The following TP53BP1 variants were observed in gnomAD, a reference collection of about 807,000 sequenced individuals.
The protein encoded by TP53BP1 is tumor protein p53 binding protein 1.
In TP53BP1, 61 loss-of-function variants were observed where a neutral mutation model predicts 200.8. The ratio of observed to expected loss-of-function variants is 0.30; its 90% CI spans 0.25 to 0.38. The LOEUF is 0.38. Ranked by LOEUF, TP53BP1 falls within the 10% of genes least tolerant of loss-of-function variation. The pLI is 1.00. For missense variants in TP53BP1, 2,144 were observed against 2,371.9 expected (o/e 0.90, Z 2.00); for synonymous variants, 822 against 844.3 (o/e 0.97, Z 0.46).
At chr15:43,485,589 AG>A (rs1176891761) in intron 4 of TP53BP1, among the ~76,000 whole-genome samples, 1 of 148,820 alleles carries the variant, frequency 6.7e-6, no homozygotes, top group African/African-American at 2.5e-5. Context: ...AAAAAAAAAA[AG>A]AAAGTACTTT....
At chr15:43,477,203 G>A (rs1566958998) in intron 8 of TP53BP1, among the ~76,000 whole-genome samples, 1 of 151,942 alleles carries the variant, frequency 6.6e-6, no homozygotes, top group African/African-American at 2.4e-5. Context: ...GGGAGGCTGA[G>A]GCAGGAGAAT....
In TP53BP1 at chr15:43,455,091, A is replaced by C. The variant is rs771113001; in HGVS notation, c.2716+801T>G. ...GCTGAATTTCATAAAATAAAGAACA[A>C]GAACTAATACATTTTCCAGTTTCAG... On this transcript the variant is annotated intron_variant, in intron 12 of 27. Transcript: ENST00000382044. 2.0e-5 allele frequency among the ~76,000 whole-genome samples: 3 copies of C among 152,350 alleles called. No homozygotes were observed. The East Asian group carries it at 5.8e-4, about 29-fold the overall frequency.
At chr15:43,475,220 A>G (rs2078862766) in intron 9 of TP53BP1, among the ~76,000 whole-genome samples, 1 of 152,222 alleles carries the variant, frequency 6.6e-6, no homozygotes, top group Admixed American at 6.5e-5. Context: ...AAATCCAACT[A>G]CTGTCAACTT....
chr15:43,457,292 C>CG, intron 11 of TP53BP1, 74 bp from the exon 12 acceptor site: 2 of 1,282,774 alleles, frequency 1.6e-6, no homozygotes, highest in Non-Finnish European at 2.1e-6. Flanking sequence ...TCCTTGGATT[C>CG]ATATAAAATT....
At chr15:43,411,659 A>G (rs1052751261) in intron 24 of TP53BP1, among the ~76,000 whole-genome samples, 1 of 152,270 alleles carries the variant, frequency 6.6e-6, no homozygotes, top group Non-Finnish European at 1.5e-5. Flanking sequence ...GGATGAAGGC[A>G]CCAACATAAA....
Position 43,477,596 on chromosome 15 carries a change from T to C in TP53BP1, c.952A>G (p.Thr318Ala), listed in dbSNP as rs2078902822. Residue 318 changes from threonine to alanine, a missense_variant, in exon 8 of 28, where the codon ACA (threonine) becomes GCA (alanine). Physicochemically the swap from Thr to Ala is moderately conservative, Grantham distance 58 (BLOSUM62 0). Coordinates refer to ENST00000382044, the MANE Select transcript of TP53BP1 (RefSeq NM_001141980.3). Reference protein sequence around the residue: ...QEDLFDQSNKTVSSDGCSTPS... With the variant: ...QEDLFDQSNKAVSSDGCSTPS... ...AACGACAAATCACTCTTGGTACCTG[T>C]TTTATTGCTCTGGTCAAACAAGTCT... 3 of 1,607,324 alleles carry C rather than the reference T, an allele frequency of 1.9e-6. No individual in the cohort carries two copies. The highest frequency in any genetic ancestry group is 2.2e-5 in the South Asian group (2 of 89,728).
intron 8 of TP53BP1, among the ~76,000 whole-genome samples, chr15:43,476,577 T>TG (rs1160661444): frequency 6.6e-6 from 1 of 152,230 alleles, no homozygotes; most frequent in East Asian, 1.9e-4. Flanking sequence ...TAGCAATAGA[T>TG]GGAGTATCAA....
Position 43,403,644 on chromosome 15 carries a change from T to C in TP53BP1, c.*3739A>G. On this transcript the variant is annotated 3_prime_UTR_variant, in exon 28 of 28. Coordinates refer to ENST00000382044, the MANE Select transcript of TP53BP1 (RefSeq NM_001141980.3). ...AACACTTTAACTTCATGGATGTACC[T>C]TCCTTCCTTTCCTAATGCCAACTCT... 2 of 1,436,256 alleles carry C rather than the reference T, an allele frequency of 1.4e-6. No individual in the cohort carries two copies. Among genetic ancestry groups the C allele is most frequent in the Non-Finnish European group, 2.0e-6 (2 of 1,022,386 alleles). The allele number at this position is 1,436,256 out of a possible 1,614,324, so 89.0% of individuals were successfully genotyped here. A position where few individuals can be genotyped will look rare whatever the true frequency, so the allele number is the denominator to read the frequency against.
chr15:43,405,183 C>T lies in TP53BP1; in HGVS notation c.*2200G>A. ...TGGGAAAGCATGACACTTAATAAGG[C>T]TCTTTTTCTCTTTTGTAGTTTCGGG... is the stretch of plus-strand genomic sequence containing the variant. On this transcript the variant is annotated 3_prime_UTR_variant, in exon 28 of 28. Coordinates refer to ENST00000382044, the MANE Select transcript of TP53BP1 (RefSeq NM_001141980.3). 1 of 1,614,034 alleles carries T rather than the reference C, an allele frequency of 6.2e-7. No homozygotes were observed. The highest frequency in any genetic ancestry group is 8.5e-7 in the Non-Finnish European group (1 of 1,179,928).
chr15:43,490,087 T>A (rs2079100285), intron 4 of TP53BP1, among the ~76,000 whole-genome samples: 3 of 151,714 alleles, frequency 2.0e-5, no homozygotes, highest in South Asian at 2.1e-4. Context: ...TATTTTTTTT[T>A]TTATTATTTT....
intron 1 of TP53BP1, among the ~76,000 whole-genome samples, chr15:43,502,302 C>A (rs572477799): frequency 6.0e-4 from 92 of 152,120 alleles, no homozygotes; most frequent in African/African-American, 2.1e-3. Flanking sequence ...CCAGCCTGGG[C>A]AACACAGCAA....
intron 16 of TP53BP1, among the ~76,000 whole-genome samples, chr15:43,435,357 G>A (rs1274875751): frequency 6.6e-6 from 1 of 150,854 alleles, no homozygotes; most frequent in Non-Finnish European, 1.5e-5. Flanking sequence ...TCTATTCTGA[G>A]TGTAGCTCTG....
intron 22 of TP53BP1, 39 bp from the exon 23 acceptor site, chr15:43,415,848 T>C (rs1189674930): frequency 2.6e-6 from 4 of 1,561,168 alleles, no homozygotes; most frequent in Non-Finnish European, 2.6e-6. Context: ...TCAAACTCTA[T>C]GGTATGAGGC....
intron 24 of TP53BP1, among the ~76,000 whole-genome samples, chr15:43,411,125 T>G (rs2142954137): frequency 6.6e-6 from 1 of 152,358 alleles, no homozygotes; most frequent in East Asian, 1.9e-4. Flanking sequence ...CCAGGACTGG[T>G]CTACTTAGAT....
At chr15:43,477,538 A>G in intron 8 of TP53BP1, 55 bp downstream of exon 8, 1 of 1,494,772 alleles carries the variant, frequency 6.7e-7, no homozygotes, top group Non-Finnish European at 8.9e-7. Flanking sequence ...CTCAGAACTA[A>G]AGTAAAAGTT....
rs1407777406 is a variant in TP53BP1, at chr15:43,479,503, T to C, written c.682A>G (p.Asn228Asp). 3 of 1,612,222 alleles carry C rather than the reference T, an allele frequency of 1.9e-6. No individual in the cohort carries two copies. The highest frequency in any genetic ancestry group is 2.7e-5 in the African/African-American group (2 of 74,852). The change falls in exon 7 of 28, where the codon AAC becomes GAC. Residue 228 changes from asparagine (N) to aspartate (D), a missense_variant. By Grantham distance (23) the Asn-to-Asp change is conservative. Transcript: ENST00000382044. ...TGTTCTGCTATGGGGATATCTTCGT[T>C]GGACTGTTCTTCATGCTTAATTGCT... The part of the protein sequence containing the change: ...NTAIKHEEQS[N>D]EDIPIAEQSS...
At position 43,432,798 on chromosome 15, in the gene TP53BP1, G is replaced by C. The variant is rs367549205; in HGVS notation, c.3192-121C>G. On this transcript the variant is annotated intron_variant, in intron 16 of 27. Coordinates refer to ENST00000382044, the MANE Select transcript of TP53BP1 (RefSeq NM_001141980.3). ...GGGGAGCCATATTTTGACAATTTGA[G>C]AAATGTAAGGAAGGGAGAAAGTCAG... 11 of 1,100,614 alleles carry C rather than the reference G, an allele frequency of 1.0e-5. No homozygotes were observed. In the African/African-American group the frequency reaches 1.1e-4, roughly 11 times the overall value. 68.2% of individuals were successfully genotyped at this position (1,100,614 alleles called of 1,614,324 possible).
chr15:43,445,276 T>C (rs1441900902), intron 14 of TP53BP1, among the ~76,000 whole-genome samples: 2 of 152,116 alleles, frequency 1.3e-5, no homozygotes, highest in East Asian at 1.9e-4. Flanking sequence ...TGGATCCTAA[T>C]TGCCTCGCCG....
At chr15:43,496,695 C>A (rs2140169077), upstream of TP53BP1, among the ~76,000 whole-genome samples, 1 of 150,994 alleles carries the variant, frequency 6.6e-6, no homozygotes, top group Non-Finnish European at 1.5e-5. Flanking sequence ...GTGATCTCCG[C>A]TTACGGCAAC....
Sources: allele counts gnomAD v4.1 joint callset (sites outside exome capture counted in the v4.1 genomes callset), GRCh38; gene constraint gnomAD v4.1.1; transcripts MANE v1.5; gene names NCBI Gene and HGNC (gene_info 2026-07-23, HGNC 2026-07-21).